The following SLC22A2 variants were observed in gnomAD, a reference collection of about 807,000 sequenced individuals.
SLC22A2 encodes solute carrier family 22 member 2.
In SLC22A2, 46 loss-of-function variants were observed where a neutral mutation model predicts 60.5. The ratio of observed to expected loss-of-function variants is 0.76; its 90% confidence interval spans 0.60 to 0.97. SLC22A2 has a LOEUF of 0.97. Among genes scored for constraint, SLC22A2 ranks in the 50% least tolerant of loss-of-function variants. The pLI, the probability that SLC22A2 is intolerant of heterozygous loss-of-function variation, is 0.00. For synonymous variants in SLC22A2, 303 were observed against 267.0 expected (o/e 1.13, Z -1.31); for missense variants, 701 against 706.6 (o/e 0.99, Z 0.09).
chr6:160,234,092 G>T (rs1372270203), intron 9 of SLC22A2, among the ~76,000 whole-genome samples: 1 of 152,050 alleles, frequency 6.6e-6, no homozygotes, highest in Non-Finnish European at 1.5e-5. Context: ...GCTCATCCTG[G>T]CTGAAAAGCT....
At chr6:160,246,614 G>A (rs1160324760) in intron 5 of SLC22A2, among the ~76,000 whole-genome samples, 1 of 152,152 alleles carries the variant, frequency 6.6e-6, no homozygotes, top group African/African-American at 2.4e-5. Context: ...TGGCGTGGTG[G>A]TGCTCGTCTG....
In SLC22A2 at chr6:160,258,656, C is replaced by A. The variant is rs745431349; in HGVS notation, c.102G>T (p.Ala34=). Residue 34 remains alanine, a synonymous_variant, in exon 1 of 11, where the codon GCG becomes GCT. Coordinates refer to ENST00000366953, the MANE Select transcript of SLC22A2 (RefSeq NM_003058.4). The stretch of plus-strand genomic sequence containing the variant: ...GGAAGACGATGCCCACGTAGATGGG[C>A]GCGAAGGTAGCCGAGAGCAGAGCCA... ...FLLALLSATF[A]PIYVGIVFLG... 6.2e-7 allele frequency: 1 copy of A among 1,613,652 alleles called. No homozygotes were observed.
chr6:160,233,066 C>T (rs1782850734), intron 9 of SLC22A2, among the ~76,000 whole-genome samples: 1 of 152,008 alleles, frequency 6.6e-6, no homozygotes, highest in Non-Finnish European at 1.5e-5. Context: ...ATCTGCTATT[C>T]CACTACTCCC....
Position 160,258,752 on chromosome 6 carries a change from G to A in SLC22A2, c.6C>T (p.Pro2=). M[P]TTVDDVLEHG... ...GCTCCAGGACATCGTCCACGGTGGT[G>A]GGCATGATCCTGCAGGCAGGAGGGC... The change falls in exon 1 of 11, where the codon CCC becomes CCT. Residue 2 remains proline, a synonymous_variant. Coordinates refer to ENST00000366953, the MANE Select transcript of SLC22A2 (RefSeq NM_003058.4). The A allele has an allele frequency of 6.5e-7, 1 of 1,548,936 alleles. No individual in the cohort carries two copies. Among genetic ancestry groups the A allele is most frequent in the Non-Finnish European group, 8.7e-7 (1 of 1,145,518 alleles).
At chr6:160,223,080 A>G (rs1782668715) in intron 10 of SLC22A2, among the ~76,000 whole-genome samples, 1 of 152,210 alleles carries the variant, frequency 6.6e-6, no homozygotes. Flanking sequence ...AAAATGTTAA[A>G]CATGAAGGTT....
chr6:160,227,088 A>C (rs1409317958), intron 9 of SLC22A2, among the ~76,000 whole-genome samples: 2 of 152,216 alleles, frequency 1.3e-5, no homozygotes, highest in African/African-American at 2.4e-5. Context: ...TGGCAAAGCC[A>C]TCTTTTGTGG....
chr6:160,258,726 T>C lies in SLC22A2; in HGVS notation c.32A>G (p.His11Arg). 2.5e-6 allele frequency: 4 copies of C among 1,584,196 alleles called. No homozygotes were observed. The highest frequency in any genetic ancestry group is 3.4e-6 in the Non-Finnish European group (4 of 1,164,054). Reference protein sequence around the residue: MPTTVDDVLEHGGEFHFFQKQ... With the variant: MPTTVDDVLERGGEFHFFQKQ... ...CTGGAAAAAGTGAAACTCCCCTCCA[T>C]GCTCCAGGACATCGTCCACGGTGGT... The change falls in exon 1 of 11, where the codon CAT (histidine) becomes CGT (arginine). Residue 11 changes from histidine to arginine, a missense_variant. By Grantham distance (29) the His-to-Arg change is conservative. Coordinates refer to ENST00000366953, the MANE Select transcript of SLC22A2 (RefSeq NM_003058.4).
intron 9 of SLC22A2, among the ~76,000 whole-genome samples, chr6:160,234,102 T>TC (rs544381304): frequency 3.6e-4 from 55 of 152,024 alleles, no homozygotes; most frequent in Non-Finnish European, 6.8e-4. Context: ...GCTGAAAAGC[T>TC]CCCCCACTGA....
At chr6:160,245,694 ATTTTTTT>A (rs11422120) in intron 5 of SLC22A2, 149 bp from the exon 6 acceptor site, 5 of 163,924 alleles carry the variant, frequency 3.1e-5, no homozygotes, top group Admixed American at 1.2e-4. Flanking sequence ...GTCCCATTTC[ATTTTTTT>A]TTTTTTTTTT....
chr6:160,239,590 G>C (rs1404774321), intron 9 of SLC22A2, among the ~76,000 whole-genome samples: 1 of 152,146 alleles, frequency 6.6e-6, no homozygotes, highest in Non-Finnish European at 1.5e-5. Flanking sequence ...TAAGGGAGTG[G>C]CCAAGATTGA....
At chr6:160,251,432 A>G (rs1368566607) in intron 2 of SLC22A2, among the ~76,000 whole-genome samples, 1 of 152,208 alleles carries the variant, frequency 6.6e-6, no homozygotes, top group East Asian at 1.9e-4. Flanking sequence ...TTCATCTGGA[A>G]AAGACCCATC....
At chr6:160,218,729 A>G (rs1782583568) in intron 10 of SLC22A2, among the ~76,000 whole-genome samples, 1 of 152,198 alleles carries the variant, frequency 6.6e-6, no homozygotes, top group Non-Finnish European at 1.5e-5. Context: ...AGCAACAATA[A>G]CAAAAGCAAC....
intron 3 of SLC22A2, among the ~76,000 whole-genome samples, chr6:160,249,671 A>C (rs1783152952): frequency 1.3e-5 from 2 of 152,270 alleles, no homozygotes; most frequent in South Asian, 4.1e-4. Flanking sequence ...TATTTCAGAT[A>C]CATGCAAGAT....
intron 2 of SLC22A2, among the ~76,000 whole-genome samples, chr6:160,254,168 C>A (rs1213850935): frequency 6.6e-6 from 1 of 152,148 alleles, no homozygotes; most frequent in African/African-American, 2.4e-5. Flanking sequence ...ATCCCAGCTA[C>A]TCAGGAGGCT....
intron 1 of SLC22A2, among the ~76,000 whole-genome samples, chr6:160,257,522 G>C (rs917279935): frequency 5.3e-5 from 8 of 152,102 alleles, no homozygotes; most frequent in African/African-American, 1.9e-4. Context: ...GAGCCTCGGA[G>C]AGTTTGTGGT....
chr6:160,233,784 C>T (rs761460244), intron 9 of SLC22A2, among the ~76,000 whole-genome samples: 3 of 151,852 alleles, frequency 2.0e-5, no homozygotes, highest in Non-Finnish European at 4.4e-5. Flanking sequence ...GGTTCCCACG[C>T]TGCCCCTAAT....
chr6:160,231,614 C>T (rs954783423), intron 9 of SLC22A2, among the ~76,000 whole-genome samples: 1 of 151,892 alleles, frequency 6.6e-6, no homozygotes, highest in Non-Finnish European at 1.5e-5. Flanking sequence ...CCAGACAAGC[C>T]TTACAGGTTA....
In SLC22A2 at chr6:160,242,859, C is replaced by T. The variant is rs146280333; in HGVS notation, c.1280-457G>A. Among the ~76,000 whole-genome samples, 359 of 152,288 alleles carry T rather than the reference C, an allele frequency of 2.4e-3. 2 individuals are homozygous for T. Among genetic ancestry groups the T allele is most frequent in the African/African-American group, 8.3e-3 (346 of 41,560 alleles). On this transcript the variant is annotated intron_variant, in intron 7 of 10. Transcript: ENST00000366953. Reference sequence around the variant, plus strand: ...CACCTCCTGTGGGTTTGGACAAATGCATAATGACCTGTATCCACTATTTTA... The same window carrying T: ...CACCTCCTGTGGGTTTGGACAAATGTATAATGACCTGTATCCACTATTTTA...
At chr6:160,239,298 AATAATCCACTCCTTGTTTAGCAT>A (rs1344111182) in intron 9 of SLC22A2, among the ~76,000 whole-genome samples, 28 of 152,324 alleles carry the variant, frequency 1.8e-4, no homozygotes, top group Admixed American at 1.8e-3. Context: ...AAAACTCACG[AATAATCCACTCCTTGTTTAGCAT>A]ATAATCCAGA....
Sources: allele counts gnomAD v4.1 joint callset (sites outside exome capture counted in the v4.1 genomes callset), GRCh38; gene constraint gnomAD v4.1.1; transcripts MANE v1.5; gene names NCBI Gene and HGNC (gene_info 2026-07-23, HGNC 2026-07-21).